The following IQCK variants were observed in gnomAD, a reference collection of about 807,000 sequenced individuals.
The protein encoded by IQCK is IQ domain-containing protein K.
Under a neutral mutation model 28.1 loss-of-function variants are expected in IQCK, and 29 were observed. The observed-to-expected ratio is 1.03, with a 90% CI of 0.77 to 1.41. The LOEUF is 1.41. Ranked by LOEUF, IQCK falls within the 40% of genes most tolerant of loss-of-function variation. The pLI, the probability that IQCK is intolerant of heterozygous loss-of-function variation, is 0.00. For synonymous variants in IQCK, 113 were observed against 115.1 expected, an observed-to-expected ratio of 0.98 and a Z score of 0.12; for missense variants, 359 against 314.7, an observed-to-expected ratio of 1.14 and a Z score of -1.07.
At chr16:19,830,531 AC>A (rs1370212631), downstream of IQCK, among the ~76,000 whole-genome samples, 1 of 152,128 alleles carries the variant, frequency 6.6e-6, no homozygotes, top group African/African-American at 2.4e-5. Flanking sequence ...TTCAGTAAAT[AC>A]CCCAGTGTGA....
chr16:19,785,649 C>G (rs894880688), intron 6 of IQCK, among the ~76,000 whole-genome samples: 6 of 151,424 alleles, frequency 4.0e-5, no homozygotes, highest in African/African-American at 1.2e-4. Context: ...AACTTTATAA[C>G]TTCACTTCAG....
At chr16:19,844,106 G>T (rs1330304836) in intron 9 of IQCK, among the ~76,000 whole-genome samples, 2 of 150,020 alleles carry the variant, frequency 1.3e-5, no homozygotes, top group Admixed American at 6.6e-5. Context: ...TTGAGACAGG[G>T]TCTGGCTCTG....
chr16:19,744,355 T>C (rs1478409692), intron 4 of IQCK, among the ~76,000 whole-genome samples: 1 of 152,198 alleles, frequency 6.6e-6, no homozygotes, highest in East Asian at 1.9e-4. Flanking sequence ...GGTCTCAAAC[T>C]CCTGAGCTCA....
intron 1 of IQCK, among the ~76,000 whole-genome samples, chr16:19,719,709 C>T (rs1186260279): frequency 7.9e-6 from 1 of 126,996 alleles, no homozygotes; most frequent in Non-Finnish European, 1.6e-5. Flanking sequence ...GCATGTTGCT[C>T]TGTCGCCCAG....
intron 9 of IQCK, among the ~76,000 whole-genome samples, chr16:19,844,397 A>G (rs1369973558): frequency 1.3e-5 from 2 of 152,096 alleles, no homozygotes; most frequent in South Asian, 2.1e-4. Context: ...TGAAGACTTC[A>G]GAGTTGAACC....
At chr16:19,786,069 C>T (rs2055557825) in intron 6 of IQCK, among the ~76,000 whole-genome samples, 1 of 152,142 alleles carries the variant, frequency 6.6e-6, no homozygotes, top group South Asian at 2.1e-4. Flanking sequence ...AGTGAGAATG[C>T]ATTAGAGCAT....
At chr16:19,824,901 C>T (rs2056126067) in intron 7 of IQCK, among the ~76,000 whole-genome samples, 1 of 152,222 alleles carries the variant, frequency 6.6e-6, no homozygotes, top group South Asian at 2.1e-4. Context: ...CACAATTACA[C>T]TCCATCCCTT....
At chr16:19,765,549 T>G (rs1259652865) in intron 6 of IQCK, among the ~76,000 whole-genome samples, 1 of 151,808 alleles carries the variant, frequency 6.6e-6, no homozygotes, top group South Asian at 2.1e-4. Context: ...AAAAAAAAAT[T>G]TAGACTCTCG....
At chr16:19,762,397 TCA>T (rs2055160546) in intron 4 of IQCK, among the ~76,000 whole-genome samples, 1 of 152,168 alleles carries the variant, frequency 6.6e-6, no homozygotes, top group Non-Finnish European at 1.5e-5. Flanking sequence ...ACTCAGAGAA[TCA>T]CAGTCTAAAT....
chr16:19,852,539 A>G (rs369572675), intron 9 of IQCK, among the ~76,000 whole-genome samples: 1 of 151,342 alleles, frequency 6.6e-6, no homozygotes, highest in South Asian at 2.1e-4. Context: ...TCACGTTTGT[A>G]TGCATCTCTC....
rs747524168 is a variant in IQCK at position 19,730,495 on chromosome 16, G to A, written c.246+1G>A. The A allele has an allele frequency of 3.1e-6, 5 of 1,605,554 alleles. No homozygotes were observed. The Admixed American group carries it at 5.1e-5, about 16-fold the overall frequency. On this transcript the variant is annotated splice_donor_variant, in intron 2 of 7. Transcript: ENST00000564186. LOFTEE classifies it high-confidence loss of function. The stretch of plus-strand genomic sequence containing the variant: ...AGTCAAACAGGAGCCTGTGATTACG[G>A]TGAGTATTACCTAGGCCTCAACCGA...
At chr16:19,771,528 T>C (rs2055321219) in intron 6 of IQCK, among the ~76,000 whole-genome samples, 1 of 152,180 alleles carries the variant, frequency 6.6e-6, no homozygotes, top group Admixed American at 6.5e-5. Flanking sequence ...TGCTTACATT[T>C]TAAAATAGTA....
chr16:19,744,317 G>A (rs2151692942), intron 4 of IQCK, among the ~76,000 whole-genome samples: 1 of 152,060 alleles, frequency 6.6e-6, no homozygotes, highest in South Asian at 2.1e-4. Context: ...TATTTTTAGA[G>A]ATGGGGTCTC....
At chr16:19,828,193 T>C (rs1442027903), downstream of IQCK, among the ~76,000 whole-genome samples, 2 of 151,118 alleles carry the variant, frequency 1.3e-5, no homozygotes, top group African/African-American at 4.9e-5. Context: ...ATTACAGGCA[T>C]GAGCCAGCGC....
chr16:19,724,629 C>T (rs998101487), intron 1 of IQCK, among the ~76,000 whole-genome samples: 2 of 151,940 alleles, frequency 1.3e-5, no homozygotes, highest in African/African-American at 2.4e-5. Context: ...CCTGGATTCA[C>T]GCCATTCTCC....
At chr16:19,740,860 C>T (rs1275892689) in intron 4 of IQCK, among the ~76,000 whole-genome samples, 2 of 150,838 alleles carry the variant, frequency 1.3e-5, no homozygotes, top group East Asian at 2.0e-4. Context: ...CCCAGCTACT[C>T]GGGAGGCTGA....
Position 19,793,639 on chromosome 16 carries a change from T to C in IQCK, c.690+4717T>C, listed in dbSNP as rs1189528406. On this transcript the variant is annotated intron_variant, in intron 7 of 7. Coordinates refer to ENST00000564186, the Ensembl canonical transcript of IQCK. ...AACACAATGCCTATCGAAATCTCAG[T>C]TGGGTTTTTTTTTTTTTTTTTTTTT... Among the ~76,000 whole-genome samples the C allele has an allele frequency of 1.7e-5, 2 of 115,598 alleles. 1 individual carries two copies. Among genetic ancestry groups the C allele is most frequent in the African/African-American group, 7.9e-5 (2 of 25,214 alleles). 75.8% of individuals were successfully genotyped at this position (115,598 alleles called of 152,430 possible).
exon 2 of IQCK, chr16:19,730,431 G>A: frequency 6.2e-7 from 1 of 1,603,682 alleles, no homozygotes; most frequent in Non-Finnish European, 8.5e-7. Flanking sequence ...TCCCTTTAGA[G>A]TATGAAGCTG....
At chr16:19,737,221 T>C (rs1024667288) in intron 4 of IQCK, among the ~76,000 whole-genome samples, 7 of 152,050 alleles carry the variant, frequency 4.6e-5, no homozygotes, top group African/African-American at 1.2e-4. Context: ...CCCAATGAGG[T>C]TGACACATCC....
Sources: allele counts gnomAD v4.1 joint callset (sites outside exome capture counted in the v4.1 genomes callset), GRCh38; gene constraint gnomAD v4.1.1; transcripts MANE v1.5; gene names NCBI Gene and HGNC (gene_info 2026-07-23, HGNC 2026-07-21).